The following MYCN variants were observed in gnomAD, a reference collection of about 807,000 sequenced individuals.
MYCN encodes the protein N-myc proto-oncogene protein.
A neutral mutation model predicts 28.1 loss-of-function variants in MYCN; 3 were observed. That is an observed-to-expected ratio of 0.11 (90% CI 0.05 to 0.28). The LOEUF (loss-of-function observed/expected upper bound fraction) is 0.28, where lower values mean the gene tolerates loss of function less well. MYCN is among the 10% of genes least tolerant of loss of function. The pLI is 1.00. For synonymous variants in MYCN, 326 were observed against 288.3 expected (o/e 1.13, Z -1.32); for missense variants, 572 against 651.4 (o/e 0.88, Z 1.33).
In MYCN at chr2:15,946,276, G is replaced by A; in HGVS notation, c.*179G>A. 3.5e-6 allele frequency: 3 copies of A among 859,686 alleles called. No homozygotes were observed. In the Admixed American group the frequency reaches 6.8e-5, roughly 19 times the overall value. 53.3% of individuals were successfully genotyped at this position (859,686 alleles called of 1,614,324 possible). A position where few individuals can be genotyped will look rare whatever the true frequency, so the allele number is the denominator to read the frequency against. On this transcript the variant is annotated 3_prime_UTR_variant, in exon 3 of 3. Transcript: ENST00000281043. Reference sequence around the variant, plus strand: ...GTTCTGCTGGGACCTTGGAGAGCCTGCATCCCAGGATGCTGGGTGGCCCTG... The same window carrying A: ...GTTCTGCTGGGACCTTGGAGAGCCTACATCCCAGGATGCTGGGTGGCCCTG...
chr2:15,945,646 C>T lies in MYCN; in HGVS notation c.944C>T (p.Ser315Phe). The T allele has an allele frequency of 1.2e-6, 2 of 1,614,142 alleles. No homozygotes were observed. Among genetic ancestry groups the T allele is most frequent in the East Asian group, 2.2e-5 (1 of 44,870 alleles). Residue 315 changes from serine (S) to phenylalanine (F), a missense_variant, in exon 3 of 3, where the codon TCC becomes TTC. Physicochemically the swap from Ser to Phe is radical, Grantham distance 155. This residue lies in a region of MYCN where 499 missense variants were observed against 524.3 expected (regional missense o/e 0.95). Transcript: ENST00000281043. The surrounding 1 kb of genome is among the most constrained non-coding windows in gnomAD (Gnocchi z 4.8). ...GCCCTGGGTCCCGGGAGGGCTCAGT[C>T]CAGCGAGCTGATCCTCAAACGATGC... ...NAALGPGRAQ[S>F]SELILKRCLP...
Position 15,946,206 on chromosome 2 carries a change from C to T in MYCN, c.*109C>T. The T allele has an allele frequency of 6.6e-7, 1 of 1,526,314 alleles. No individual in the cohort carries two copies. The highest frequency in any genetic ancestry group is 9.0e-7 in the Non-Finnish European group (1 of 1,116,432). 94.5% of individuals were successfully genotyped at this position (1,526,314 alleles called of 1,614,324 possible). On this transcript the variant is annotated 3_prime_UTR_variant, in exon 3 of 3. Coordinates refer to ENST00000281043, the MANE Select transcript of MYCN (RefSeq NM_005378.6). Reference sequence around the variant, plus strand: ...GTTGGTTTACTTTCAAATCGGTCCCCTGTCGAGTTCGGCTCTGGGTGGGCA... The same window carrying T: ...GTTGGTTTACTTTCAAATCGGTCCCTTGTCGAGTTCGGCTCTGGGTGGGCA...
At chr2:15,944,978 ATGTATG>A (rs1662821165) in intron 2 of MYCN, among the ~76,000 whole-genome samples, 1 of 147,766 alleles carries the variant, frequency 6.8e-6, no homozygotes, top group Non-Finnish European at 1.5e-5. Context: ...ATGTATATGT[ATGTATG>A]TATGTATGGG....
Position 15,942,317 on chromosome 2 carries a change from A to G in MYCN, c.253A>G (p.Asn85Asp). ...PSWVTEMLLE[N>D]ELWGSPAEED... ...CTGGGTCACGGAGATGCTGCTTGAG[A>G]ACGAGCTGTGGGGCAGCCCGGCCGA... Residue 85 changes from asparagine to aspartate, a missense_variant, in exon 2 of 3, where the codon AAC becomes GAC. By Grantham distance (23) the Asn-to-Asp change is conservative. Around this residue, in one of 3 missense-constraint regions of MYCN, gnomAD observed 499 missense variants for 524.3 expected, o/e 0.95. Transcript: ENST00000281043. This position sits in a 1 kb window ranked among gnomAD's most constrained non-coding sequence, Gnocchi z 7.0. The G allele has an allele frequency of 6.2e-7, 1 of 1,609,216 alleles. No individual in the cohort carries two copies.
Position 15,942,907 on chromosome 2 carries a change from C to A in MYCN, c.790+53C>A. 1.3e-6 allele frequency: 2 copies of A among 1,536,900 alleles called. No individual in the cohort carries two copies. The highest frequency in any genetic ancestry group is 2.4e-5 in the South Asian group (2 of 84,696). On this transcript the variant is annotated intron_variant, in intron 2 of 2. Coordinates refer to ENST00000281043, the MANE Select transcript of MYCN (RefSeq NM_005378.6). The surrounding 1 kb of genome is among the most constrained non-coding windows in gnomAD (Gnocchi z 7.0). ...CTCCCTGGGGCACTGGACCCCGGGTCGCGTCCCCTTTGTTAGTGCTCGTAT... is the reference window on the plus strand; with the variant it reads ...CTCCCTGGGGCACTGGACCCCGGGTAGCGTCCCCTTTGTTAGTGCTCGTAT...
At chr2:15,944,617 CAACTCTTTA>C (rs2103329230) in intron 2 of MYCN, among the ~76,000 whole-genome samples, 1 of 152,302 alleles carries the variant, frequency 6.6e-6, no homozygotes, top group East Asian at 1.9e-4. Flanking sequence ...TGAGAGGCCT[CAACTCTTTA>C]AGTGTGGAGC....
Position 15,941,088 on chromosome 2 carries a change from A to C in MYCN, c.-118+345A>C. On this transcript the variant is annotated intron_variant, in intron 1 of 2. Coordinates refer to ENST00000281043, the MANE Select transcript of MYCN (RefSeq NM_005378.6). This position sits in a 1 kb window ranked among gnomAD's most constrained non-coding sequence, Gnocchi z 4.8. ...CACCCCAGGCTGGGGTTCTTCTCCA[A>C]AGGGTGCCCCTGGAGGAAGAAGAGG... 2.6e-5 allele frequency: 5 copies of C among 192,136 alleles called. No homozygotes were observed. The highest frequency in any genetic ancestry group is 1.2e-4 in the East Asian group (1 of 8,542). 11.9% of individuals were successfully genotyped at this position (192,136 alleles called of 1,614,324 possible).
Position 15,946,604 on chromosome 2 carries a change from A to G in MYCN, c.*507A>G, listed in dbSNP as rs1662880928. 3.5e-6 allele frequency: 1 copy of G among 281,844 alleles called. No individual in the cohort carries two copies. The highest frequency in any genetic ancestry group is 6.8e-6 in the Non-Finnish European group (1 of 146,600). The allele number at this position is 281,844 out of a possible 1,614,324, so 17.5% of individuals were successfully genotyped here. A position where few individuals can be genotyped will look rare whatever the true frequency, so the allele number is the denominator to read the frequency against. On this transcript the variant is annotated 3_prime_UTR_variant, in exon 3 of 3. Transcript: ENST00000281043. ...GTTCATACCTAAGTACTGTAATAAT[A>G]CCTCAATGTTTGAGGAGCATGTTTT...
rs1558537001 is a variant in MYCN at position 15,946,838 on chromosome 2, T to C, written c.*741T>C. The C allele has an allele frequency of 4.5e-6, 1 of 220,310 alleles. No homozygotes were observed. Among genetic ancestry groups the C allele is most frequent in the African/African-American group, 2.2e-5 (1 of 44,656 alleles). 13.6% of individuals were successfully genotyped at this position (220,310 alleles called of 1,614,324 possible). ...AATTTACTATATATATATGCCTTTT[T>C]CCTAGCCTGTTTCTTCCTGTTAATG... On this transcript the variant is annotated 3_prime_UTR_variant, in exon 3 of 3. Transcript: ENST00000281043.
chr2:15,944,068 T>C (rs1360824764), intron 2 of MYCN, among the ~76,000 whole-genome samples: 2 of 152,174 alleles, frequency 1.3e-5, no homozygotes, highest in African/African-American at 4.8e-5. Context: ...GCTCTGTCCC[T>C]TTAATGTCTG....
In MYCN at chr2:15,942,449, G is replaced by C. The variant is rs1345499308; in HGVS notation, c.385G>C (p.Ala129Pro). 5 of 1,595,352 alleles carry C rather than the reference G, an allele frequency of 3.1e-6. No individual in the cohort carries two copies. Among genetic ancestry groups the C allele is most frequent in the Non-Finnish European group, 8.5e-7 (1 of 1,176,956 alleles). Residue 129 changes from alanine (A) to proline (P), a missense_variant, in exon 2 of 3, where the codon GCC (alanine) becomes CCC (proline). Coordinates refer to ENST00000281043, the MANE Select transcript of MYCN (RefSeq NM_005378.6). This position sits in a 1 kb window ranked among gnomAD's most constrained non-coding sequence, Gnocchi z 7.0. ...CTCCGCCCGCGAGAAGCTGGAGCGC[G>C]CCGTGAGCGAGAAGCTGCAGCACGG... ...GFSAREKLER[A>P]VSEKLQHGRG...
chr2:15,942,673 G>T lies in MYCN; in HGVS notation c.609G>T (p.Ala203=). ...FPFPVNKREP[A]PVPAAPASAP... is the part of the protein sequence containing the mutation. ...TTCCCGTGAACAAGCGCGAGCCAGC[G>T]CCCGTGCCCGCAGCCCCGGCCAGTG... Residue 203 remains alanine (A), a synonymous_variant, in exon 2 of 3, where the codon GCG becomes GCT. Coordinates refer to ENST00000281043, the MANE Select transcript of MYCN (RefSeq NM_005378.6). This position sits in a 1 kb window ranked among gnomAD's most constrained non-coding sequence, Gnocchi z 7.0. The T allele has an allele frequency of 8.5e-7, 1 of 1,172,726 alleles. No individual in the cohort carries two copies. Among genetic ancestry groups the T allele is most frequent in the Non-Finnish European group, 1.1e-6 (1 of 948,528 alleles). The allele number at this position is 1,172,726 out of a possible 1,614,324, so 72.6% of individuals were successfully genotyped here. A position where few individuals can be genotyped will look rare whatever the true frequency, so the allele number is the denominator to read the frequency against.
chr2:15,940,878 AC>A, intron 1 of MYCN, 135 bp downstream of exon 1: 1 of 397,586 alleles, frequency 2.5e-6, no homozygotes, highest in South Asian at 1.4e-4. Flanking sequence ...TGCTTCCGAA[AC>A]AAAACCATCT....
In MYCN at chr2:15,941,900, C is replaced by G; in HGVS notation, c.-117-48C>G. 1.3e-6 allele frequency: 1 copy of G among 787,440 alleles called. No homozygotes were observed. Among genetic ancestry groups the G allele is most frequent in the Non-Finnish European group, 2.0e-6 (1 of 489,660 alleles). The allele number at this position is 787,440 out of a possible 1,614,324, so 48.8% of individuals were successfully genotyped here. ...AGGGGGCGCCCATTGCCTATCCCCT[C>G]GGTCTGCCCCGTTTGCCCACCCTCT... On this transcript the variant is annotated intron_variant, in intron 1 of 2. Transcript: ENST00000281043. This position sits in a 1 kb window ranked among gnomAD's most constrained non-coding sequence, Gnocchi z 4.8.
At position 15,942,705 on chromosome 2, in the gene MYCN, CGGCGGGCCCTGCGGTCGCCTCGGG is replaced by C. The variant is rs1662734781; in HGVS notation, c.648_671del (p.Pro217_Gly224del). The C allele has an allele frequency of 1.7e-6, 2 of 1,185,520 alleles. No homozygotes were observed. The highest frequency in any genetic ancestry group is 8.1e-5 in the South Asian group (2 of 24,834). 73.4% of individuals were successfully genotyped at this position (1,185,520 alleles called of 1,614,324 possible). On this transcript the variant is annotated inframe_deletion, in exon 2 of 3. Coordinates refer to ENST00000281043, the MANE Select transcript of MYCN (RefSeq NM_005378.6). This position sits in a 1 kb window ranked among gnomAD's most constrained non-coding sequence, Gnocchi z 7.0. Reference sequence around the variant, plus strand: ...CCCGCAGCCCCGGCCAGTGCCCCGGCGGCGGGCCCTGCGGTCGCCTCGGGGGCGGGTATTGCCGCCCCAGCCGGG... The same window carrying C: ...CCCGCAGCCCCGGCCAGTGCCCCGGCGGCGGGTATTGCCGCCCCAGCCGGG...
chr2:15,943,753 C>T (rs922161133), intron 2 of MYCN, among the ~76,000 whole-genome samples: 8 of 152,212 alleles, frequency 5.3e-5, no homozygotes, highest in African/African-American at 1.9e-4. Flanking sequence ...TCAGCAGCCT[C>T]TCCAGGAAGG....
rs1402366729 is a variant in MYCN, at chr2:15,945,424, A to C, written c.791-69A>C. 51 of 1,518,890 alleles carry C rather than the reference A, an allele frequency of 3.4e-5. No homozygotes were observed. In the Middle Eastern group the frequency reaches 1.0e-3, roughly 30 times the overall value. 94.1% of individuals were successfully genotyped at this position (1,518,890 alleles called of 1,614,324 possible). A position where few individuals can be genotyped will look rare whatever the true frequency, so the allele number is the denominator to read the frequency against. ...GAAGAGACAGATAAGCATACATATT[A>C]ACATGGATATATATGTGAATTTCAT... On this transcript the variant is annotated intron_variant, in intron 2 of 2. Transcript: ENST00000281043. The surrounding 1 kb of genome is among the most constrained non-coding windows in gnomAD (Gnocchi z 4.8).
chr2:15,942,856 T>TA lies in MYCN; in HGVS notation c.790+5dup. Reference sequence around the variant, plus strand: ...GAGAGGACACCCTGAGCGATTCAGGTAAAGACCGAACTCGGGTCCGGCTGC... The same window carrying TA: ...GAGAGGACACCCTGAGCGATTCAGGTAAAAGACCGAACTCGGGTCCGGCTGC... On this transcript the variant is annotated splice_region_variant and intron_variant, in intron 2 of 2. Coordinates refer to ENST00000281043, the MANE Select transcript of MYCN (RefSeq NM_005378.6). The surrounding 1 kb of genome is among the most constrained non-coding windows in gnomAD (Gnocchi z 7.0). 1 of 1,583,670 alleles carries TA rather than the reference T, an allele frequency of 6.3e-7. No individual in the cohort carries two copies. Among genetic ancestry groups the TA allele is most frequent in the Non-Finnish European group, 8.5e-7 (1 of 1,171,920 alleles).
chr2:15,946,727 C>CT lies in MYCN; in HGVS notation c.*632dup, dbSNP rs1423028964. On this transcript the variant is annotated 3_prime_UTR_variant, in exon 3 of 3. Transcript: ENST00000281043. ...CGCTGATACATAACTAAATTTGATACTTATATTTTCGTATGAAAATGAGTT... is the reference window on the plus strand; with the variant it reads ...CGCTGATACATAACTAAATTTGATACTTTATATTTTCGTATGAAAATGAGTT... The CT allele has an allele frequency of 8.7e-6, 2 of 228,710 alleles. No individual in the cohort carries two copies. The highest frequency in any genetic ancestry group is 4.4e-5 in the African/African-American group (2 of 45,004). 14.2% of individuals were successfully genotyped at this position (228,710 alleles called of 1,614,324 possible). A position where few individuals can be genotyped will look rare whatever the true frequency, so the allele number is the denominator to read the frequency against.
Sources: allele counts gnomAD v4.1 joint callset (sites outside exome capture counted in the v4.1 genomes callset), GRCh38; gene constraint gnomAD v4.1.1; regional missense constraint gnomAD v4.1.1; non-coding constraint Gnocchi (gnomAD v3.1); transcripts MANE v1.5; gene names NCBI Gene and HGNC (gene_info 2026-07-23, HGNC 2026-07-21).